GPN1: variants seen among roughly 807,000 people sequenced by gnomAD.
GPN1 encodes GPN-loop GTPase 1, also known as ATP(GTP)-binding protein.
In GPN1, 44 loss-of-function variants were observed where a neutral mutation model predicts 55.9. The ratio of observed to expected loss-of-function variants is 0.79; its 90% CI spans 0.62 to 1.01. The LOEUF (loss-of-function observed/expected upper bound fraction) is 1.01, where lower values mean the gene tolerates loss of function less well. Ranked by LOEUF, GPN1 falls within the 50% of genes least tolerant of loss-of-function variation. The pLI, the probability that GPN1 is intolerant of heterozygous loss-of-function variation, is 0.00. For synonymous variants in GPN1, 179 were observed against 162.5 expected (o/e 1.10, Z -0.77); for missense variants, 466 against 462.8 (o/e 1.01, Z -0.06).
At chr2:27,629,292 C>A in intron 1 of GPN1, 123 bp downstream of exon 1, 2 of 1,452,868 alleles carry the variant, frequency 1.4e-6, no homozygotes, top group East Asian at 2.4e-5. Context: ...TCGGGGGCTT[C>A]CCATCAACTT....
chr2:27,639,796 G>A (rs1013872010), intron 9 of GPN1, among the ~76,000 whole-genome samples: 1 of 152,104 alleles, frequency 6.6e-6, no homozygotes, highest in Non-Finnish European at 1.5e-5. Context: ...AGTACTGGTA[G>A]TATAGGCATG....
chr2:27,644,235 A>G (rs1380567541), intron 12 of GPN1, among the ~76,000 whole-genome samples: 1 of 152,172 alleles, frequency 6.6e-6, no homozygotes, highest in Non-Finnish European at 1.5e-5. Context: ...TCTGTTTGTA[A>G]TAAGAATTTT....
chr2:27,644,041 G>A (rs1354478996), intron 12 of GPN1, among the ~76,000 whole-genome samples: 5 of 152,150 alleles, frequency 3.3e-5, no homozygotes, highest in African/African-American at 9.7e-5. Flanking sequence ...TTAGCTGGGC[G>A]TGGTCGTGCA....
chr2:27,647,759 T>A (rs1572965814), intron 12 of GPN1, 77 bp from the exon 13 acceptor site: 2 of 827,444 alleles, frequency 2.4e-6, no homozygotes, highest in East Asian at 5.1e-5. Context: ...ATCCTGCCAG[T>A]TTATGATCAT....
chr2:27,635,090 G>T, intron 6 of GPN1, 50 bp from the exon 7 acceptor site: 1 of 1,156,180 alleles, frequency 8.6e-7, no homozygotes, highest in South Asian at 1.2e-5. Context: ...AGAGTTTGAG[G>T]ACAGATCGTG....
upstream of GPN1, chr2:27,628,253 T>C (rs12615690): frequency 0.52 from 426,182 of 815,060 alleles, 115,787 homozygotes; most frequent in East Asian, 0.89. Context: ...GAACACTGTT[T>C]GCAGCTACAA....
chr2:27,641,393 AAAAG>A, intron 11 of GPN1, 114 bp downstream of exon 11: 1 of 710,026 alleles, frequency 1.4e-6, no homozygotes, highest in Non-Finnish European at 2.4e-6. Context: ...ATTTAATTAA[AAAAG>A]TTTTTTTTGT....
intron 11 of GPN1, among the ~76,000 whole-genome samples, chr2:27,641,585 T>C (rs1673952500): frequency 6.6e-6 from 1 of 152,122 alleles, no homozygotes; most frequent in Admixed American, 6.6e-5. Context: ...AGTGTAGTGG[T>C]GCTTCACAAC....
chr2:27,635,072 G>A (rs1673679511), intron 6 of GPN1, 68 bp from the exon 7 acceptor site: 2 of 1,074,898 alleles, frequency 1.9e-6, no homozygotes, highest in Non-Finnish European at 2.9e-6. Flanking sequence ...GTTAAGGATG[G>A]TGGAAAAAGA....
chr2:27,638,824 A>G, intron 8 of GPN1, 61 bp from the exon 9 acceptor site: 3 of 1,418,526 alleles, frequency 2.1e-6, no homozygotes, highest in Non-Finnish European at 2.9e-6. Context: ...CACTTAATTA[A>G]AAGAATAAAT....
intron 5 of GPN1, among the ~76,000 whole-genome samples, chr2:27,634,337 A>T (rs1156372719): frequency 6.6e-6 from 1 of 152,232 alleles, no homozygotes; most frequent in African/African-American, 2.4e-5. Flanking sequence ...CACATACCAT[A>T]CAATTCACCC....
chr2:27,634,749 C>A, intron 5 of GPN1, 97 bp from the exon 6 acceptor site: 1 of 782,376 alleles, frequency 1.3e-6, no homozygotes, highest in East Asian at 2.5e-5. Flanking sequence ...GAGGTTACTC[C>A]AGTCTTGGAT....
intron 10 of GPN1, among the ~76,000 whole-genome samples, chr2:27,640,963 A>G (rs952513427): frequency 3.5e-4 from 53 of 150,948 alleles, no homozygotes; most frequent in Admixed American, 3.4e-3. Context: ...TTTATCTCAA[A>G]TGAATGGTGA....
At chr2:27,647,767 C>A in intron 12 of GPN1, 69 bp from the exon 13 acceptor site, 1 of 877,010 alleles carries the variant, frequency 1.1e-6, no homozygotes. Context: ...AGTTTATGAT[C>A]ATAGTTACTT....
chr2:27,634,968 A>G, intron 6 of GPN1, 44 bp downstream of exon 6: 1 of 1,121,128 alleles, frequency 8.9e-7, no homozygotes, highest in Non-Finnish European at 1.4e-6. Flanking sequence ...TAGAGGGGCT[A>G]GACTGGATGA....
rs747910456 is a variant in GPN1 at position 27,651,107 on chromosome 2, T to G, written c.*907T>G. The stretch of plus-strand genomic sequence containing the variant: ...CCGTGGATTTGGGTCAGAGGCACAT[T>G]TCATACATAACAGCCCTTATAAACG... On this transcript the variant is annotated 3_prime_UTR_variant, in exon 14 of 14. Transcript: ENST00000610189. The G allele has an allele frequency of 6.6e-6, 1 of 152,352 alleles. No individual in the cohort carries two copies. The highest frequency in any genetic ancestry group is 1.5e-5 in the Non-Finnish European group (1 of 68,042). The allele number at this position is 152,352 out of a possible 1,614,324, so 9.4% of individuals were successfully genotyped here.
At position 27,638,984 on chromosome 2, in the gene GPN1, A is replaced by G; in HGVS notation, c.670A>G (p.Thr224Ala). 6.2e-7 allele frequency: 1 copy of G among 1,613,136 alleles called. No homozygotes were observed. The change falls in exon 9 of 14, where the codon ACT becomes GCT. Residue 224 changes from threonine to alanine, a missense_variant. By Grantham distance (58) the Thr-to-Ala change is moderately conservative (BLOSUM62 0). Transcript: ENST00000610189. ...AGAGACTACATACGTCAGTAACCTGACTCGTTCAATGAGCCTGGTGTTAGA... is the reference window on the plus strand; with the variant it reads ...AGAGACTACATACGTCAGTAACCTGGCTCGTTCAATGAGCCTGGTGTTAGA... ...NQETTYVSNL[T>A]RSMSLVLDEF...
At chr2:27,637,407 T>C (rs1479231036) in intron 7 of GPN1, among the ~76,000 whole-genome samples, 1 of 152,138 alleles carries the variant, frequency 6.6e-6, no homozygotes, top group Non-Finnish European at 1.5e-5. Context: ...ACCTTGCAGT[T>C]CAAACCTATG....
chr2:27,628,471 C>T (rs1311430902), upstream of GPN1: 1 of 1,551,514 alleles, frequency 6.4e-7, no homozygotes, highest in Non-Finnish European at 8.7e-7. Flanking sequence ...GGAATGAGCG[C>T]TAGCATCAGG....
Sources: allele counts gnomAD v4.1 joint callset (sites outside exome capture counted in the v4.1 genomes callset), GRCh38; gene constraint gnomAD v4.1.1; transcripts MANE v1.5; gene names NCBI Gene and HGNC (gene_info 2026-07-23, HGNC 2026-07-21).